UACA: variants seen among roughly 807,000 people sequenced by gnomAD.
UACA encodes the protein nuclear membrane binding protein.
UACA carries 112 observed loss-of-function variants against 160.5 expected under a neutral mutation model. The ratio of observed to expected loss-of-function variants is 0.70; its 90% CI spans 0.60 to 0.82. The LOEUF (loss-of-function observed/expected upper bound fraction) is 0.82. Among genes scored for constraint, UACA ranks in the 40% least tolerant of loss-of-function variants. The probability of loss-of-function intolerance (pLI) is 0.00; values close to 1 mark genes in which losing one functional copy is unlikely to be tolerated. For missense variants in UACA, 1,574 were observed against 1,614.6 expected (o/e 0.97, Z 0.43); for synonymous variants, 557 against 568.4 (o/e 0.98, Z 0.29).
chr15:70,715,214 C>T (rs1898789882), intron 1 of UACA, among the ~76,000 whole-genome samples: 1 of 152,090 alleles, frequency 6.6e-6, no homozygotes, highest in African/African-American at 2.4e-5. Context: ...CCTTCTATCC[C>T]TATATATACC....
chr15:70,776,395 A>T, the UACA span, among the ~76,000 whole-genome samples: 3 of 148,890 alleles, frequency 2.0e-5, no homozygotes, highest in African/African-American at 7.4e-5. Flanking sequence ...ATATATCCAC[A>T]TGACTAATTG....
At position 70,667,908 on chromosome 15, in the gene UACA, C is replaced by T. The variant is rs1896986115; in HGVS notation, c.2776G>A (p.Ala926Thr). The T allele has an allele frequency of 6.2e-7, 1 of 1,614,046 alleles. No homozygotes were observed. Among genetic ancestry groups the T allele is most frequent in the Middle Eastern group, 1.7e-4 (1 of 6,054 alleles). ...GAGCTCATCTTTGCCTCGTGCTCTG[C>T]CAGGCTGATGTACTCAGCTTTTATT... ...NQIKAEYISL[A>T]EHEAKMSSLS... is the part of the protein sequence containing the mutation. Residue 926 changes from alanine to threonine, a missense_variant, in exon 16 of 19, where the codon GCA (alanine) becomes ACA (threonine). Ala to Thr is a moderately conservative substitution (Grantham distance 58). Transcript: ENST00000322954.
chr15:70,748,040 A>T (rs1277623103), intron 1 of UACA, among the ~76,000 whole-genome samples: 1 of 152,134 alleles, frequency 6.6e-6, no homozygotes, highest in Non-Finnish European at 1.5e-5. Flanking sequence ...CTTTTTATGC[A>T]ACCTAGTGCC....
intron 1 of UACA, among the ~76,000 whole-genome samples, chr15:70,739,624 T>C (rs141237134): frequency 3.2e-4 from 48 of 152,300 alleles, no homozygotes; most frequent in Non-Finnish European, 2.4e-4. Flanking sequence ...GCTGACATAT[T>C]AAAAATTCAA....
intron 1 of UACA, among the ~76,000 whole-genome samples, chr15:70,762,029 C>T (rs745649746): frequency 2.0e-5 from 3 of 152,048 alleles, no homozygotes; most frequent in Non-Finnish European, 4.4e-5. Flanking sequence ...CACTAAATGA[C>T]ATTTCTGCCA....
At chr15:70,761,698 T>C (rs1331162239) in intron 1 of UACA, among the ~76,000 whole-genome samples, 1 of 152,250 alleles carries the variant, frequency 6.6e-6, no homozygotes, top group African/African-American at 2.4e-5. Context: ...ATATCATGTT[T>C]ATCTTTATTA....
intron 17 of UACA, among the ~76,000 whole-genome samples, chr15:70,661,890 C>A (rs191622372): frequency 1.6e-4 from 24 of 152,220 alleles, no homozygotes; most frequent in African/African-American, 3.6e-4. Context: ...TATGACAAAC[C>A]CACAGCCAAT....
At chr15:70,739,596 T>C (rs2141000988) in intron 1 of UACA, among the ~76,000 whole-genome samples, 2 of 152,342 alleles carry the variant, frequency 1.3e-5, no homozygotes, top group South Asian at 4.1e-4. Flanking sequence ...ATGTATGATA[T>C]ATACCAAATT....
At chr15:70,737,950 A>G (rs1360939064) in intron 1 of UACA, among the ~76,000 whole-genome samples, 1 of 152,188 alleles carries the variant, frequency 6.6e-6, no homozygotes, top group Non-Finnish European at 1.5e-5. Flanking sequence ...TTTTCCAATA[A>G]TAGAGACAAC....
Position 70,699,648 on chromosome 15 carries a change from A to C in UACA, c.91T>G (p.Trp31Gly), listed in dbSNP as rs753147635. ...AAAASAHAAD[W>G]NKYDDRLMKA... ...ATCAATCGGTCATCATATTTATTCC[A>C]ATCTGCTGCATGCTACAAAAAGGAA... Residue 31 changes from tryptophan to glycine, a missense_variant, in exon 2 of 19, where the codon TGG (tryptophan) becomes GGG (glycine). By Grantham distance (184) the Trp-to-Gly change is radical. Transcript: ENST00000322954. The C allele has an allele frequency of 1.2e-6, 2 of 1,611,788 alleles. No homozygotes were observed. Among genetic ancestry groups the C allele is most frequent in the Non-Finnish European group, 1.7e-6 (2 of 1,179,402 alleles).
chr15:70,763,925 T>C (rs1190741736), upstream of UACA, among the ~76,000 whole-genome samples: 1 of 152,238 alleles, frequency 6.6e-6, no homozygotes, highest in East Asian at 1.9e-4. Flanking sequence ...CCCTTCCGTC[T>C]GGTCTTAGAA....
At chr15:70,698,139 C>T (rs1486103911) in intron 2 of UACA, among the ~76,000 whole-genome samples, 2 of 152,180 alleles carry the variant, frequency 1.3e-5, no homozygotes, top group Non-Finnish European at 2.9e-5. Flanking sequence ...AACTAAAGTT[C>T]ACAGTTCATC....
At chr15:70,764,755 A>G (rs1271216090), upstream of UACA, among the ~76,000 whole-genome samples, 3 of 152,214 alleles carry the variant, frequency 2.0e-5, no homozygotes, top group African/African-American at 7.2e-5. Context: ...TTTCATCTTG[A>G]TTAGATCTTT....
At chr15:70,688,410 T>A (rs1170274402) in intron 5 of UACA, among the ~76,000 whole-genome samples, 1 of 152,084 alleles carries the variant, frequency 6.6e-6, no homozygotes, top group African/African-American at 2.4e-5. Flanking sequence ...ATGTTTACAA[T>A]CCCCATGAAT....
At chr15:70,764,808 C>G (rs2030963759), upstream of UACA, among the ~76,000 whole-genome samples, 2 of 152,186 alleles carry the variant, frequency 1.3e-5, no homozygotes, top group Non-Finnish European at 2.9e-5. Context: ...CTCTAGATCT[C>G]CAGTCATTTA....
chr15:70,741,807 C>T (rs77253909), intron 1 of UACA, among the ~76,000 whole-genome samples: 3,874 of 152,218 alleles, frequency 0.025, 175 homozygotes, highest in African/African-American at 0.09. Context: ...ACTTTTGGTC[C>T]TCTTTCAGGA....
chr15:70,763,730 G>T, upstream of UACA: 1 of 298,736 alleles, frequency 3.3e-6, no homozygotes, highest in Non-Finnish European at 5.8e-6. Context: ...AGCCCGGGAA[G>T]GGGCGGAGGA....
At chr15:70,710,885 T>C (rs1208441367) in intron 1 of UACA, among the ~76,000 whole-genome samples, 3 of 152,220 alleles carry the variant, frequency 2.0e-5, no homozygotes, top group African/African-American at 7.2e-5. Context: ...CTACATTGCA[T>C]AGGCATGACT....
chr15:70,743,430 T>G (rs772317409), intron 1 of UACA, among the ~76,000 whole-genome samples: 4 of 152,182 alleles, frequency 2.6e-5, no homozygotes, highest in Non-Finnish European at 5.9e-5. Flanking sequence ...TTAAGGCCAT[T>G]TTTAAAATTC....
Sources: gnomAD v4.1 joint callset for allele counts (sites outside exome capture counted in the v4.1 genomes callset) on GRCh38, gnomAD v4.1.1 for gene constraint, MANE v1.5 for transcripts, NCBI Gene and HGNC (gene_info 2026-07-23, HGNC 2026-07-21) for gene names.